PPP4R3B: variants seen among roughly 807,000 people sequenced by gnomAD.
PPP4R3B encodes protein phosphatase 4 regulatory subunit 3B, also known as serine/threonine-protein phosphatase 4 regulatory subunit 3B.
A neutral mutation model predicts 95.4 loss-of-function variants in PPP4R3B; 52 were observed. That is an observed-to-expected ratio of 0.54 (90% CI 0.44 to 0.69). The LOEUF is 0.69. PPP4R3B is among the 30% of genes least tolerant of loss of function. PPP4R3B has a pLI of 0.00. For synonymous variants in PPP4R3B, 407 were observed against 343.9 expected, an observed-to-expected ratio of 1.18 and a Z score of -2.03; for missense variants, 1,003 against 1,005.9, an observed-to-expected ratio of 1.00 and a Z score of 0.04.
intron 2 of PPP4R3B, among the ~76,000 whole-genome samples, chr2:55,610,438 G>A (rs1007270577): frequency 1.3e-5 from 2 of 152,100 alleles, no homozygotes; most frequent in Admixed American, 6.5e-5. Flanking sequence ...AGAAACCACT[G>A]CTACAAATAG....
At chr2:55,578,560 T>C (rs1267660246) in intron 9 of PPP4R3B, among the ~76,000 whole-genome samples, 1 of 152,102 alleles carries the variant, frequency 6.6e-6, no homozygotes, top group African/African-American at 2.4e-5. Flanking sequence ...TGGGGAATTA[T>C]TCAGTTGATA....
intron 6 of PPP4R3B, among the ~76,000 whole-genome samples, chr2:55,586,367 GTTA>G (rs1690145076): frequency 6.6e-6 from 1 of 151,986 alleles, no homozygotes; most frequent in African/African-American, 2.4e-5. Context: ...ACTTAATATT[GTTA>G]CAGAAAATAT....
Position 55,559,380 on chromosome 2 carries a change from C to T in PPP4R3B, c.2261-412G>A, listed in dbSNP as rs116266447. Among the ~76,000 whole-genome samples the T allele has an allele frequency of 2.4e-3, 358 of 152,076 alleles. 4 individuals are homozygous for T. The highest frequency in any genetic ancestry group is 8.3e-3 in the African/African-American group (346 of 41,516). On this transcript the variant is annotated intron_variant, in intron 15 of 16. Transcript: ENST00000616407. The stretch of plus-strand genomic sequence containing the variant: ...CCAAAAAAACAAAAAAAAATAACAC[C>T]AAAATTAATTGCCTTTGTTTCCTAA...
At chr2:55,593,308 A>T (rs1175765399) in intron 4 of PPP4R3B, among the ~76,000 whole-genome samples, 1 of 152,246 alleles carries the variant, frequency 6.6e-6, no homozygotes, top group Non-Finnish European at 1.5e-5. Context: ...AACATGTATT[A>T]GCACACATAC....
intron 2 of PPP4R3B, among the ~76,000 whole-genome samples, chr2:55,606,996 T>C (rs190010687): frequency 2.0e-5 from 3 of 152,190 alleles, no homozygotes; most frequent in Non-Finnish European, 2.9e-5. Flanking sequence ...TTTGTACTTA[T>C]ATCATCATCA....
At position 55,617,405 on chromosome 2, in the gene PPP4R3B, G is replaced by A. The variant is rs941861579; in HGVS notation, c.-120C>T. On this transcript the variant is annotated 5_prime_UTR_variant, in exon 1 of 17. Transcript: ENST00000616407. ...TGGCGGCGGCGGCGGCTTCGGAGAG[G>A]CCCGAATTCACCATGGCTCCAAAGG... 13 of 1,198,136 alleles carry A rather than the reference G, an allele frequency of 1.1e-5. No individual in the cohort carries two copies. The highest frequency in any genetic ancestry group is 1.4e-5 in the Non-Finnish European group (13 of 904,950). 74.2% of individuals were successfully genotyped at this position (1,198,136 alleles called of 1,614,324 possible). A position where few individuals can be genotyped will look rare whatever the true frequency, so the allele number is the denominator to read the frequency against.
At position 55,608,338 on chromosome 2, in the gene PPP4R3B, C is replaced by T. The variant is rs184951944; in HGVS notation, c.199-4262G>A. On this transcript the variant is annotated intron_variant, in intron 2 of 16. Coordinates refer to ENST00000616407, the MANE Select transcript of PPP4R3B (RefSeq NM_001122964.3). The stretch of plus-strand genomic sequence containing the variant: ...TTAACTTTAAATTCTTTTCTCTGAT[C>T]TTGTCAAAATACCAGAAACTAAATG... 1.3e-3 allele frequency among the ~76,000 whole-genome samples: 201 copies of T among 152,258 alleles called. 1 individual carries two copies. Among genetic ancestry groups the T allele is most frequent in the Admixed American group, 1.6e-3 (24 of 15,290 alleles).
chr2:55,572,209 A>C (rs1215080428), intron 12 of PPP4R3B, among the ~76,000 whole-genome samples: 3 of 123,342 alleles, frequency 2.4e-5, no homozygotes, highest in African/African-American at 8.1e-5. Flanking sequence ...ATATCTGCAT[A>C]ATCTTAGGAC....
At chr2:55,602,431 CATA>C (rs1286229651) in intron 3 of PPP4R3B, among the ~76,000 whole-genome samples, 2 of 152,162 alleles carry the variant, frequency 1.3e-5, no homozygotes, top group South Asian at 2.1e-4. Flanking sequence ...TATCCTGCTT[CATA>C]ATAATGTTTA....
intron 4 of PPP4R3B, among the ~76,000 whole-genome samples, chr2:55,589,596 C>G (rs573707351): frequency 6.6e-6 from 1 of 152,088 alleles, no homozygotes; most frequent in African/African-American, 2.4e-5. Flanking sequence ...TTTCTACAGG[C>G]GTTGTCTAAA....
chr2:55,588,403 C>G (rs959852871), intron 5 of PPP4R3B, among the ~76,000 whole-genome samples: 8 of 151,594 alleles, frequency 5.3e-5, no homozygotes, highest in African/African-American at 1.9e-4. Context: ...ATCCCAGCTA[C>G]TTGGGAGGCT....
chr2:55,549,200 A>G lies in PPP4R3B; in HGVS notation c.*711T>C, dbSNP rs1684984635. On this transcript the variant is annotated 3_prime_UTR_variant, in exon 17 of 17. Coordinates refer to ENST00000616407, the MANE Select transcript of PPP4R3B (RefSeq NM_001122964.3). The stretch of plus-strand genomic sequence containing the variant: ...GAAAATCATTTTGGAATACTACTGT[A>G]CTGATTCTTGGCCTTCGTTGTCTCT... 1 of 152,370 alleles carries G rather than the reference A, an allele frequency of 6.6e-6. No individual in the cohort carries two copies. Among genetic ancestry groups the G allele is most frequent in the Non-Finnish European group, 1.5e-5 (1 of 68,068 alleles). 9.4% of individuals were successfully genotyped at this position (152,370 alleles called of 1,614,324 possible). A position where few individuals can be genotyped will look rare whatever the true frequency, so the allele number is the denominator to read the frequency against.
intron 10 of PPP4R3B, among the ~76,000 whole-genome samples, chr2:55,577,725 T>C (rs1688875986): frequency 6.6e-6 from 1 of 152,110 alleles, no homozygotes; most frequent in Admixed American, 6.5e-5. Flanking sequence ...ACATTTGCAT[T>C]TGATTATCCA....
At position 55,566,189 on chromosome 2, in the gene PPP4R3B, T is replaced by C. The variant is rs561041813; in HGVS notation, c.1936-1148A>G. Among the ~76,000 whole-genome samples the C allele has an allele frequency of 2.6e-5, 4 of 152,268 alleles. No individual in the cohort carries two copies. In the East Asian group the frequency reaches 7.7e-4, roughly 29 times the overall value. ...CACCATAATTTGGTTGCATTATGGATTTTAAGTCTTAAAACTAGTTCTCCT... is the reference window on the plus strand; with the variant it reads ...CACCATAATTTGGTTGCATTATGGACTTTAAGTCTTAAAACTAGTTCTCCT... On this transcript the variant is annotated intron_variant, in intron 13 of 16. Coordinates refer to ENST00000616407, the MANE Select transcript of PPP4R3B (RefSeq NM_001122964.3).
chr2:55,615,583 CGG>C, intron 1 of PPP4R3B, 77 bp from the exon 2 acceptor site: 1 of 1,038,046 alleles, frequency 9.6e-7, no homozygotes, highest in Non-Finnish European at 1.4e-6. Flanking sequence ...ACATTAAAGC[CGG>C]GCGCAGTGGC....
rs753236420 is a variant in PPP4R3B, at chr2:55,615,437, AAAC to A, written c.198+11_198+13del. 4.9e-5 allele frequency: 77 copies of A among 1,571,496 alleles called. No homozygotes were observed. Among genetic ancestry groups the A allele is most frequent in the Non-Finnish European group, 5.7e-5 (66 of 1,150,284 alleles). ...AGATGAAGTCTTTCAAATTAAAGAT[AAAC>A]AACTACTTGCCTGTTGTTTCTGATA... On this transcript the variant is annotated intron_variant, in intron 2 of 16. Coordinates refer to ENST00000616407, the MANE Select transcript of PPP4R3B (RefSeq NM_001122964.3).
In PPP4R3B at chr2:55,602,077, A is replaced by C. The variant is rs1011961272; in HGVS notation, c.297+1901T>G. ...TTTCTATGGTACACAGTTCTGTACA[A>C]GTTTATGATAAGGTACAATCTGCAG... is the stretch of plus-strand genomic sequence containing the variant. On this transcript the variant is annotated intron_variant, in intron 3 of 16. Transcript: ENST00000616407. 5.3e-5 allele frequency among the ~76,000 whole-genome samples: 8 copies of C among 152,312 alleles called. No homozygotes were observed. In the South Asian group the frequency reaches 1.2e-3, roughly 24 times the overall value.
intron 2 of PPP4R3B, among the ~76,000 whole-genome samples, chr2:55,606,715 C>T (rs1427701041): frequency 1.3e-5 from 2 of 150,114 alleles, no homozygotes; most frequent in Admixed American, 6.7e-5. Flanking sequence ...CCCAACTACT[C>T]GGGAGGCTGA....
At chr2:55,581,150 G>A (rs1391373547) in intron 8 of PPP4R3B, among the ~76,000 whole-genome samples, 1 of 152,138 alleles carries the variant, frequency 6.6e-6, no homozygotes, top group African/African-American at 2.4e-5. Context: ...CTACTTGGGA[G>A]GCTGAGGCAG....
Sources: gnomAD v4.1 joint callset for allele counts (sites outside exome capture counted in the v4.1 genomes callset) on GRCh38, gnomAD v4.1.1 for gene constraint, MANE v1.5 for transcripts, NCBI Gene and HGNC (gene_info 2026-07-23, HGNC 2026-07-21) for gene names.